Variants in HAUS6 observed in about 807,000 individuals in gnomAD.
HAUS6 encodes the protein HAUS augmin-like complex subunit 6.
In HAUS6, 80 loss-of-function variants were observed where a neutral mutation model predicts 106.8. The observed-to-expected ratio is 0.75, with a 90% confidence interval of 0.63 to 0.90. HAUS6 has a LOEUF of 0.90. HAUS6 is among the 40% of genes least tolerant of loss of function. HAUS6 has a pLI of 0.00. For missense variants in HAUS6, 1,155 were observed against 1,118.1 expected (o/e 1.03, Z -0.47); for synonymous variants, 356 against 379.1 (o/e 0.94, Z 0.71).
At position 19,102,810 on chromosome 9, in the gene HAUS6, G is replaced by A; in HGVS notation, c.-159C>T. ...GCCCAGAGCGATTTCGCCTCAAAGG[G>A]CCTCACAACCTCCGGGAAATTGAGT... On this transcript the variant is annotated 5_prime_UTR_variant, in exon 1 of 17. Coordinates refer to ENST00000380502, the MANE Select transcript of HAUS6 (RefSeq NM_017645.5). The A allele has an allele frequency of 1.6e-6, 1 of 640,454 alleles. No homozygotes were observed. Among genetic ancestry groups the A allele is most frequent in the Non-Finnish European group, 2.6e-6 (1 of 386,116 alleles). The allele number at this position is 640,454 out of a possible 1,614,324, so 39.7% of individuals were successfully genotyped here.
intron 6 of HAUS6, 122 bp downstream of exon 6, chr9:19,086,969 A>G (rs1008492650): frequency 3.1e-6 from 2 of 647,520 alleles, no homozygotes; most frequent in Non-Finnish European, 5.6e-6. Flanking sequence ...CTCTAATCCT[A>G]TCATCATCTG....
intron 7 of HAUS6, among the ~76,000 whole-genome samples, chr9:19,085,520 A>C (rs1837268867): frequency 6.6e-6 from 1 of 151,930 alleles, no homozygotes; most frequent in African/African-American, 2.4e-5. Flanking sequence ...TAACCTTTAC[A>C]GGTGACAATG....
Position 19,081,624 on chromosome 9 carries a change from G to A in HAUS6, c.871-952C>T, listed in dbSNP as rs1363680067. ...CCAGCTAATTTTTGTATTTTTAGTAGAGACAGGGTTTCATCATGTTGGCCA... is the reference window on the plus strand; with the variant it reads ...CCAGCTAATTTTTGTATTTTTAGTAAAGACAGGGTTTCATCATGTTGGCCA... On this transcript the variant is annotated intron_variant, in intron 8 of 16. Coordinates refer to ENST00000380502, the MANE Select transcript of HAUS6 (RefSeq NM_017645.5). 2.0e-5 allele frequency among the ~76,000 whole-genome samples: 3 copies of A among 152,090 alleles called. No individual in the cohort carries two copies. The East Asian group carries it at 5.8e-4, about 29-fold the overall frequency.
chr9:19,091,898 G>A (rs1251532038), intron 4 of HAUS6, among the ~76,000 whole-genome samples: 2 of 152,074 alleles, frequency 1.3e-5, no homozygotes, highest in Non-Finnish European at 1.5e-5. Context: ...CTGACCTCAA[G>A]TGATCTGCCT....
Position 19,094,046 on chromosome 9 carries a change from G to A in HAUS6, c.303+271C>T, listed in dbSNP as rs543044278. On this transcript the variant is annotated intron_variant, in intron 3 of 16. Transcript: ENST00000380502. ...GGCAAACAAACTAAAATAATATACGGTTGGAAAAGTTTTCTTTAAACAAAA... is the reference window on the plus strand; with the variant it reads ...GGCAAACAAACTAAAATAATATACGATTGGAAAAGTTTTCTTTAAACAAAA... Among the ~76,000 whole-genome samples the A allele has an allele frequency of 9.9e-5, 15 of 152,234 alleles. No homozygotes were observed. In the East Asian group the frequency reaches 2.5e-3, roughly 25 times the overall value.
chr9:19,057,162 T>G (rs757685159), intron 16 of HAUS6: 2 of 152,296 alleles, frequency 1.3e-5, no homozygotes, highest in Non-Finnish European at 2.9e-5. Flanking sequence ...CTAACCCCAG[T>G]ACCTCAGAAT....
rs1415813553 is a variant in HAUS6 at position 19,063,136 on chromosome 9, C to A, written c.1501G>T (p.Glu501Ter). The change falls in exon 14 of 17, where the codon GAA becomes TAA. Residue 501 changes from glutamate to a stop codon, truncating the protein, a stop_gained. Coordinates refer to ENST00000380502, the MANE Select transcript of HAUS6 (RefSeq NM_017645.5). LOFTEE classifies it high-confidence loss of function. ...KNEAISKKIP[E>*]FEVENSPLSD... ...AATGGAGAATTTTCCACTTCAAATT[C>A]TGGTATTTTCTTAGAAATTGCTTCA... The A allele has an allele frequency of 6.2e-7, 1 of 1,604,694 alleles. No individual in the cohort carries two copies. Among genetic ancestry groups the A allele is most frequent in the African/African-American group, 1.3e-5 (1 of 74,596 alleles).
intron 11 of HAUS6, among the ~76,000 whole-genome samples, chr9:19,072,071 T>A (rs1032503130): frequency 7.3e-5 from 11 of 151,386 alleles, no homozygotes; most frequent in South Asian, 4.2e-4. Flanking sequence ...ATGCCTGTAA[T>A]CCCAGCTACT....
chr9:19,079,403 G>T (rs189365692), intron 9 of HAUS6, among the ~76,000 whole-genome samples: 46 of 151,222 alleles, frequency 3.0e-4, no homozygotes, highest in Middle Eastern at 3.4e-3. Context: ...GGCTAATTGT[G>T]TCTTTTTGGT....
chr9:19,082,147 TA>T (rs1177296563), intron 8 of HAUS6, among the ~76,000 whole-genome samples: 1 of 152,146 alleles, frequency 6.6e-6, no homozygotes, highest in African/African-American at 2.4e-5. Flanking sequence ...AAGAGGGCAT[TA>T]AAAGAACCAT....
chr9:19,069,750 GGAAACT>G (rs1385742194), intron 12 of HAUS6, among the ~76,000 whole-genome samples: 2 of 151,766 alleles, frequency 1.3e-5, no homozygotes, highest in Non-Finnish European at 2.9e-5. Flanking sequence ...AAATAAGATT[GGAAACT>G]GGTTTAAGAT....
intron 1 of HAUS6, among the ~76,000 whole-genome samples, chr9:19,100,291 A>C (rs1449653565): frequency 6.6e-6 from 1 of 152,226 alleles, no homozygotes; most frequent in African/African-American, 2.4e-5. Flanking sequence ...GCTTGAGCCC[A>C]GGAGATGGAG....
Position 19,087,846 on chromosome 9 carries a change from CAA to C in HAUS6, c.585-692_585-691del, listed in dbSNP as rs71333081. Among the ~76,000 whole-genome samples, 464 of 78,710 alleles carry C rather than the reference CAA, an allele frequency of 5.9e-3. 1 individual carries two copies. Among genetic ancestry groups the C allele is most frequent in the Middle Eastern group, 9.3e-3 (1 of 108 alleles). The allele number at this position is 78,710 out of a possible 152,430, so 51.6% of individuals were successfully genotyped here. On this transcript the variant is annotated intron_variant, in intron 5 of 16. Coordinates refer to ENST00000380502, the MANE Select transcript of HAUS6 (RefSeq NM_017645.5). Reference sequence around the variant, plus strand: ...TAAGCAACAGAGCAAGACCTTGTCTCAAAAAAAAAAAAAAAAAAAAAAAAACC... The same window carrying C: ...TAAGCAACAGAGCAAGACCTTGTCTCAAAAAAAAAAAAAAAAAAAAAAACC...
intron 1 of HAUS6, 48 bp downstream of exon 1, chr9:19,102,476 C>G: frequency 1.3e-6 from 2 of 1,584,560 alleles, no homozygotes; most frequent in African/African-American, 1.3e-5. Flanking sequence ...AGTCCCCCGG[C>G]GTCCCCCGGT....
At position 19,082,912 on chromosome 9, in the gene HAUS6, T is replaced by G. The variant is rs753168430; in HGVS notation, c.831A>C (p.Pro277=). ...TCTCAATTTTGTCAAGTAAGAGCCT[T>G]GGAATATTAATAGCAACATTAGTTC... ...LDGTNVAINI[P]RLLLDKIEKQ... is the part of the protein sequence containing the mutation. Residue 277 remains proline, a synonymous_variant, in exon 8 of 17, where the codon CCA becomes CCC. Transcript: ENST00000380502. The G allele has an allele frequency of 1.2e-5, 19 of 1,529,208 alleles. No individual in the cohort carries two copies. The highest frequency in any genetic ancestry group is 9.1e-5 in the South Asian group (7 of 76,748). The allele number at this position is 1,529,208 out of a possible 1,614,324, so 94.7% of individuals were successfully genotyped here. A position where few individuals can be genotyped will look rare whatever the true frequency, so the allele number is the denominator to read the frequency against.
intron 9 of HAUS6, among the ~76,000 whole-genome samples, chr9:19,079,338 T>C (rs1175067951): frequency 6.6e-6 from 1 of 151,068 alleles, no homozygotes; most frequent in Non-Finnish European, 1.5e-5. Flanking sequence ...TTCAAGTGAT[T>C]CTCCTGCCTC....
rs925497391 is a variant in HAUS6 at position 19,098,031 on chromosome 9, C to G, written c.129-1262G>C. ...AATGAAGTTCCATCTATCCTACTTC[C>G]TTACCATCTCTCAAACCTGTTGTTT... On this transcript the variant is annotated intron_variant, in intron 1 of 16. Coordinates refer to ENST00000380502, the MANE Select transcript of HAUS6 (RefSeq NM_017645.5). Among the ~76,000 whole-genome samples the G allele has an allele frequency of 2.6e-5, 4 of 152,218 alleles. No homozygotes were observed. In the East Asian group the frequency reaches 7.7e-4, roughly 29 times the overall value.
chr9:19,069,419 T>G lies in HAUS6; in HGVS notation c.1376+800A>C, dbSNP rs1836839061. ...AAAGGGCAAAATTGGCCGGGTGCGG[T>G]GGCTCACATCTGTAATCACAGCACT... On this transcript the variant is annotated intron_variant, in intron 12 of 16. Coordinates refer to ENST00000380502, the MANE Select transcript of HAUS6 (RefSeq NM_017645.5). Among the ~76,000 whole-genome samples, 3 of 152,294 alleles carry G rather than the reference T, an allele frequency of 2.0e-5. 1 individual carries two copies. The South Asian group carries it at 6.2e-4, about 32-fold the overall frequency.
chr9:19,069,746 G>A (rs1836847659), intron 12 of HAUS6, among the ~76,000 whole-genome samples: 1 of 151,782 alleles, frequency 6.6e-6, no homozygotes, highest in Admixed American at 6.6e-5. Context: ...GAGTAAATAA[G>A]ATTGGAAACT....
Sources: gnomAD v4.1 joint callset for allele counts (sites outside exome capture counted in the v4.1 genomes callset) on GRCh38, gnomAD v4.1.1 for gene constraint, MANE v1.5 for transcripts, NCBI Gene and HGNC (gene_info 2026-07-23, HGNC 2026-07-21) for gene names.